Variants in FAM107A observed in about 807,000 individuals in gnomAD.
FAM107A encodes actin-associated protein FAM107A.
A neutral mutation model predicts 13.7 loss-of-function variants in FAM107A; 19 were observed. The observed-to-expected ratio is 1.38, with a 90% CI of 0.97 to 2.03. The LOEUF (loss-of-function observed/expected upper bound fraction) is 2.03, where lower values mean the gene tolerates loss of function less well. FAM107A is among the 30% of genes most tolerant of loss of function. The pLI is 0.00. For missense variants in FAM107A, 203 were observed against 184.4 expected (o/e 1.10, Z -0.58); for synonymous variants, 82 against 74.5 (o/e 1.10, Z -0.52).
intron 1 of FAM107A, among the ~76,000 whole-genome samples, chr3:58,619,161 G>C (rs2065930588): frequency 6.6e-6 from 1 of 152,070 alleles, no homozygotes; most frequent in African/African-American, 2.4e-5. Flanking sequence ...ACCATGCCCA[G>C]CTAATTAATT....
chr3:58,620,023 G>T (rs1381522139), intron 1 of FAM107A, among the ~76,000 whole-genome samples: 15 of 152,166 alleles, frequency 9.9e-5, no homozygotes, highest in Admixed American at 9.8e-4. Flanking sequence ...CCTTCCATAA[G>T]GTTGGCCTTC....
In FAM107A at chr3:58,609,673, G is replaced by A. The variant is rs78910391; in HGVS notation, c.-70+17743C>T. Among the ~76,000 whole-genome samples, 1,024 of 152,316 alleles carry A rather than the reference G, an allele frequency of 6.7e-3. 5 individuals are homozygous for A. The highest frequency in any genetic ancestry group is 0.023 in the African/African-American group (975 of 41,556). ...CGCTTTTTGTTTTTCAAGACCTCTG[G>A]CAATGACTTCGCTGAGTCCTCAGAG... is the stretch of plus-strand genomic sequence containing the variant. On this transcript the variant is annotated intron_variant, in intron 1 of 3. Coordinates refer to the FAM107A transcript ENST00000465970.
chr3:58,586,437 A>T (rs1266300999), intron 1 of FAM107A, among the ~76,000 whole-genome samples: 1 of 152,236 alleles, frequency 6.6e-6, no homozygotes, highest in Non-Finnish European at 1.5e-5. Context: ...GAAGAAAAAA[A>T]AAGTAATTAA....
intron 1 of FAM107A, chr3:58,607,267 T>A (rs2065803698): frequency 6.6e-6 from 1 of 152,246 alleles, no homozygotes; most frequent in African/African-American, 2.4e-5. Flanking sequence ...TGGTCCAGGA[T>A]ATGCCACGAT....
intron 1 of FAM107A, among the ~76,000 whole-genome samples, chr3:58,574,695 G>T (rs1296155020): frequency 6.6e-6 from 1 of 152,196 alleles, no homozygotes; most frequent in Non-Finnish European, 1.5e-5. Context: ...TCAATATGCA[G>T]TTTATGGGAC....
rs1187158430 is a variant in FAM107A at position 58,613,144 on chromosome 3, T to C, written c.-70+14272A>G. ...GCCCAAGGGAGCCAACTGCCTGTTTTGTCAGGTAACACCGACAAAAATAGC... is the reference window on the plus strand; with the variant it reads ...GCCCAAGGGAGCCAACTGCCTGTTTCGTCAGGTAACACCGACAAAAATAGC... On this transcript the variant is annotated intron_variant, in intron 1 of 3. Transcript: ENST00000465970. This position sits in a 1 kb window ranked among gnomAD's most constrained non-coding sequence, Gnocchi z 4.6. 1.3e-5 allele frequency among the ~76,000 whole-genome samples: 2 copies of C among 152,320 alleles called. No individual in the cohort carries two copies. Among genetic ancestry groups the C allele is most frequent in the East Asian group, 1.9e-4 (1 of 5,184 alleles).
At chr3:58,602,792 T>C (rs2065763654) in intron 1 of FAM107A, among the ~76,000 whole-genome samples, 1 of 152,254 alleles carries the variant, frequency 6.6e-6, no homozygotes, top group Non-Finnish European at 1.5e-5. Flanking sequence ...TAGTATTACT[T>C]ATATCAATTA....
At chr3:58,594,806 T>G (rs1382079766) in intron 1 of FAM107A, among the ~76,000 whole-genome samples, 1 of 152,184 alleles carries the variant, frequency 6.6e-6, no homozygotes, top group Non-Finnish European at 1.5e-5. Flanking sequence ...CCTAAATCAA[T>G]CTGGCTTGAT....
At chr3:58,589,230 C>T (rs192634091), upstream of FAM107A, 9,313 of 1,535,334 alleles carry the variant, frequency 6.1e-3, 34 homozygotes, top group Non-Finnish European at 7.3e-3. Context: ...CTCTGCTTCT[C>T]ATTTTCACTA....
chr3:58,625,280 T>C (rs2066002649), intron 1 of FAM107A, among the ~76,000 whole-genome samples: 1 of 152,174 alleles, frequency 6.6e-6, no homozygotes, highest in East Asian at 1.9e-4. Context: ...ACCTCCGTTA[T>C]CCTAATTCCC....
rs181048389 is a variant in FAM107A at position 58,575,961 on chromosome 3, T to C, written c.-6+1348A>G. On this transcript the variant is annotated intron_variant, in intron 1 of 3. Transcript: ENST00000360997. ...AGAACCCTCTTGGTTCAGCATTTAA[T>C]GGGATGCCAGGGCAGAGGAGAAGAG... Among the ~76,000 whole-genome samples the C allele has an allele frequency of 7.5e-4, 114 of 152,300 alleles. 1 individual carries two copies. In the East Asian group the frequency reaches 0.02, roughly 27 times the overall value.
chr3:58,572,152 C>A (rs557309677), intron 1 of FAM107A, among the ~76,000 whole-genome samples: 1 of 152,082 alleles, frequency 6.6e-6, no homozygotes, highest in South Asian at 2.1e-4. Flanking sequence ...TGAGAAAGTG[C>A]GTAATAATAA....
intron 1 of FAM107A, among the ~76,000 whole-genome samples, chr3:58,600,526 CT>C (rs1341744198): frequency 6.6e-6 from 1 of 152,184 alleles, no homozygotes; most frequent in Non-Finnish European, 1.5e-5. Context: ...TGCTCAGCTC[CT>C]TCAGTGATGG....
In FAM107A at chr3:58,595,171, G is replaced by A. The variant is rs371657772; in HGVS notation, c.-69-5902C>T. On this transcript the variant is annotated intron_variant, in intron 1 of 3. Coordinates refer to the FAM107A transcript ENST00000465970. ...ACTCGAAGCAGCCCTGAGAAACATCGCCCATTATCTCTCCATACCACCCCC... is the reference window on the plus strand; with the variant it reads ...ACTCGAAGCAGCCCTGAGAAACATCACCCATTATCTCTCCATACCACCCCC... Among the ~76,000 whole-genome samples, 16 of 150,456 alleles carry A rather than the reference G, an allele frequency of 1.1e-4. No homozygotes were observed. In the South Asian group the frequency reaches 1.3e-3, roughly 12 times the overall value.
intron 1 of FAM107A, among the ~76,000 whole-genome samples, chr3:58,583,366 T>C (rs1405084311): frequency 1.3e-5 from 2 of 152,096 alleles, no homozygotes; most frequent in African/African-American, 2.4e-5. Context: ...CTCATGCCTG[T>C]AATCCCAGCA....
upstream of FAM107A, chr3:58,589,395 C>G: frequency 1.6e-6 from 1 of 630,732 alleles, no homozygotes; most frequent in South Asian, 1.9e-5. Context: ...TCAAAGTCCT[C>G]TCCAGAGAAA....
chr3:58,602,128 A>G (rs1447629851), intron 1 of FAM107A, among the ~76,000 whole-genome samples: 3 of 152,158 alleles, frequency 2.0e-5, no homozygotes, highest in Non-Finnish European at 4.4e-5. Flanking sequence ...GGGGGAAGAG[A>G]GAAGACACCC....
At chr3:58,620,334 C>A (rs1410626498) in intron 1 of FAM107A, among the ~76,000 whole-genome samples, 9 of 152,152 alleles carry the variant, frequency 5.9e-5, no homozygotes, top group Non-Finnish European at 1.2e-4. Flanking sequence ...TCCCAGCCAC[C>A]CCTGGTAATC....
At chr3:58,584,759 T>C (rs2065585319) in intron 1 of FAM107A, among the ~76,000 whole-genome samples, 1 of 152,154 alleles carries the variant, frequency 6.6e-6, no homozygotes, top group Non-Finnish European at 1.5e-5. Flanking sequence ...TAAATGACTA[T>C]ATAACTTCAC....
Sources: gnomAD v4.1 joint callset for allele counts (sites outside exome capture counted in the v4.1 genomes callset) on GRCh38, gnomAD v4.1.1 for gene constraint, Gnocchi (gnomAD v3.1) non-coding constraint, MANE v1.5 for transcripts, NCBI Gene and HGNC (gene_info 2026-07-23, HGNC 2026-07-21) for gene names.